The following PALLD variants were observed in gnomAD, a reference collection of about 807,000 sequenced individuals.
PALLD encodes palladin.
PALLD carries 61 observed loss-of-function variants against 123.5 expected under a neutral mutation model. That is an observed-to-expected ratio of 0.49 (90% confidence interval 0.40 to 0.61). The LOEUF (loss-of-function observed/expected upper bound fraction) is 0.61. Ranked by LOEUF, PALLD falls within the 20% of genes least tolerant of loss-of-function variation. The probability of loss-of-function intolerance (pLI) is 0.00; values close to 1 mark genes in which losing one functional copy is unlikely to be tolerated. For missense variants in PALLD, 1,273 were observed against 1,377.0 expected, an observed-to-expected ratio of 0.92 and a Z score of 1.20; for synonymous variants, 465 against 496.4, an observed-to-expected ratio of 0.94 and a Z score of 0.84.
intron 8 of PALLD, among the ~76,000 whole-genome samples, chr4:168,702,582 C>A (rs931979761): frequency 1.1e-4 from 17 of 152,076 alleles, no homozygotes; most frequent in Admixed American, 1.0e-3. Flanking sequence ...ACATGCGTGT[C>A]GGAGATGGGA....
chr4:168,890,073 T>C (rs74931366), intron 10 of PALLD, among the ~76,000 whole-genome samples: 14,302 of 152,244 alleles, frequency 0.094, 762 homozygotes, highest in Middle Eastern at 0.14. Context: ...TTAATTTTTG[T>C]CCACTGCCCT....
chr4:168,876,571 C>G (rs1352894337), intron 10 of PALLD, among the ~76,000 whole-genome samples: 1 of 152,208 alleles, frequency 6.6e-6, no homozygotes, highest in Non-Finnish European at 1.5e-5. Flanking sequence ...TAGAAGGGAA[C>G]AGAAGACACA....
intron 2 of PALLD, among the ~76,000 whole-genome samples, chr4:168,635,226 T>C (rs1212189737): frequency 6.6e-6 from 1 of 152,182 alleles, no homozygotes; most frequent in Admixed American, 6.5e-5. Flanking sequence ...TCCTAAGGGT[T>C]CAATATACCC....
At chr4:168,699,302 C>T (rs554426395) in intron 8 of PALLD, among the ~76,000 whole-genome samples, 5 of 152,266 alleles carry the variant, frequency 3.3e-5, no homozygotes, top group Non-Finnish European at 5.9e-5. Flanking sequence ...TGGTCTCGAG[C>T]TGCTGACCTC....
chr4:168,745,344 T>C (rs1171531188), intron 10 of PALLD, among the ~76,000 whole-genome samples: 2 of 148,980 alleles, frequency 1.3e-5, no homozygotes, highest in Non-Finnish European at 3.0e-5. Flanking sequence ...TCATATGTCG[T>C]TAATACTTCA....
At chr4:168,758,371 G>C (rs1411723174) in intron 10 of PALLD, among the ~76,000 whole-genome samples, 2 of 152,156 alleles carry the variant, frequency 1.3e-5, no homozygotes, top group Non-Finnish European at 2.9e-5. Context: ...GTGAAATGCT[G>C]CCTGTCCTCT....
At chr4:168,733,926 G>T (rs764327400) in intron 10 of PALLD, among the ~76,000 whole-genome samples, 1 of 151,964 alleles carries the variant, frequency 6.6e-6, no homozygotes, top group Non-Finnish European at 1.5e-5. Context: ...TAGTAGAGAC[G>T]GGGTTTCACC....
In PALLD at chr4:168,670,596, G is replaced by A. The variant is rs575084765; in HGVS notation, c.1087+2228G>A. 4.8e-3 allele frequency among the ~76,000 whole-genome samples: 719 copies of A among 150,756 alleles called. 10 individuals are homozygous for A. The highest frequency in any genetic ancestry group is 0.016 in the African/African-American group (658 of 40,932). On this transcript the variant is annotated intron_variant, in intron 3 of 21. Coordinates refer to ENST00000505667, the MANE Select transcript of PALLD (RefSeq NM_001166108.2). The stretch of plus-strand genomic sequence containing the variant: ...AAAATACAAAAAATTAGCCGGGCGC[G>A]GTGGCGGGCGCCTGTAGTCCCAGCT...
chr4:168,823,122 T>C (rs1742957023), intron 10 of PALLD, among the ~76,000 whole-genome samples: 1 of 152,200 alleles, frequency 6.6e-6, no homozygotes, highest in African/African-American at 2.4e-5. Context: ...TATATGGTCA[T>C]CATTGTTATA....
intron 10 of PALLD, among the ~76,000 whole-genome samples, chr4:168,728,799 C>A (rs1786852735): frequency 6.6e-6 from 1 of 151,816 alleles, no homozygotes; most frequent in Non-Finnish European, 1.5e-5. Context: ...CTTGGTGCAC[C>A]CATCACCTGA....
chr4:168,670,982 C>T (rs1435552796), intron 3 of PALLD, among the ~76,000 whole-genome samples: 1 of 149,566 alleles, frequency 6.7e-6, no homozygotes, highest in African/African-American at 2.5e-5. Context: ...CATGCCACTG[C>T]ACTCCAGCCT....
chr4:168,743,456 C>T (rs1788561995), intron 10 of PALLD, among the ~76,000 whole-genome samples: 1 of 152,050 alleles, frequency 6.6e-6, no homozygotes, highest in Non-Finnish European at 1.5e-5. Flanking sequence ...GGATAAAAGA[C>T]ATTAATGATG....
chr4:168,889,162 GT>G (rs1560861746), intron 10 of PALLD, among the ~76,000 whole-genome samples: 1,541 of 147,680 alleles, frequency 0.01, 37 homozygotes, highest in African/African-American at 0.037. Flanking sequence ...GTGTGTGTGT[GT>G]GTGGTTTTTT....
intron 2 of PALLD, among the ~76,000 whole-genome samples, chr4:168,575,464 C>T (rs1769467233): frequency 1.3e-5 from 2 of 151,954 alleles, no homozygotes; most frequent in Admixed American, 1.3e-4. Flanking sequence ...GAAACCGCCC[C>T]CATGATCCAA....
intron 2 of PALLD, among the ~76,000 whole-genome samples, chr4:168,527,939 C>T (rs1249483504): frequency 3.9e-5 from 6 of 152,120 alleles, no homozygotes; most frequent in African/African-American, 1.4e-4. Flanking sequence ...ACAATGCTTC[C>T]CTGTGTTCAG....
intron 10 of PALLD, among the ~76,000 whole-genome samples, chr4:168,756,862 G>A (rs1450841678): frequency 6.6e-6 from 1 of 152,216 alleles, no homozygotes; most frequent in Admixed American, 6.5e-5. Flanking sequence ...TGTAAATAGA[G>A]AGAAGTTCTA....
chr4:168,663,856 A>G (rs749879230), intron 2 of PALLD, among the ~76,000 whole-genome samples: 10 of 152,234 alleles, frequency 6.6e-5, no homozygotes, highest in Non-Finnish European at 1.5e-4. Flanking sequence ...GATTGTTTAA[A>G]AAAAATGCAA....
At chr4:168,544,112 G>A (rs1765910493) in intron 2 of PALLD, among the ~76,000 whole-genome samples, 1 of 152,194 alleles carries the variant, frequency 6.6e-6, no homozygotes, top group African/African-American at 2.4e-5. Context: ...GATAAATCAT[G>A]TATTTATCTG....
At chr4:168,645,101 A>G (rs75340798) in intron 2 of PALLD, among the ~76,000 whole-genome samples, 1 of 151,442 alleles carries the variant, frequency 6.6e-6, no homozygotes, top group South Asian at 2.1e-4. Context: ...CAGTCTCAAA[A>G]AAAAAAAAAA....
Sources: gnomAD v4.1 joint callset for allele counts (sites outside exome capture counted in the v4.1 genomes callset) on GRCh38, gnomAD v4.1.1 for gene constraint, MANE v1.5 for transcripts, NCBI Gene and HGNC (gene_info 2026-07-23, HGNC 2026-07-21) for gene names.